The following ANO2 variants were observed in gnomAD, a reference collection of about 807,000 sequenced individuals.
ANO2 encodes anoctamin 2, also known as anoctamin-2.
A neutral mutation model predicts 124.2 loss-of-function variants in ANO2; 101 were observed. The ratio of observed to expected loss-of-function variants is 0.81; its 90% CI spans 0.69 to 0.96. The LOEUF (loss-of-function observed/expected upper bound fraction) is 0.96, where lower values mean the gene tolerates loss of function less well. Ranked by LOEUF, ANO2 falls within the 40% of genes least tolerant of loss-of-function variation. The pLI, the probability that ANO2 is intolerant of heterozygous loss-of-function variation, is 0.00. For synonymous variants in ANO2, 486 were observed against 482.5 expected (o/e 1.01, Z -0.09); for missense variants, 1,293 against 1,274.5 (o/e 1.01, Z -0.22).
upstream of ANO2, among the ~76,000 whole-genome samples, chr12:5,945,439 C>T (rs1208490232): frequency 6.6e-6 from 1 of 152,098 alleles, no homozygotes; most frequent in East Asian, 1.9e-4. Flanking sequence ...AGCGGGGCGT[C>T]GAGAATGGAG....
intron 2 of ANO2, 105 bp downstream of exon 2, chr12:5,922,515 C>A (rs570248155): frequency 3.9e-6 from 5 of 1,273,872 alleles, no homozygotes; most frequent in Non-Finnish European, 5.2e-6. Flanking sequence ...CTCTCTTTCA[C>A]GCACACATGT....
intron 3 of ANO2, among the ~76,000 whole-genome samples, chr12:5,914,902 T>C (rs1941290058): frequency 6.6e-6 from 1 of 152,182 alleles, no homozygotes; most frequent in African/African-American, 2.4e-5. Flanking sequence ...AGTCTCTGCC[T>C]CTGCCCTGCT....
intron 3 of ANO2, among the ~76,000 whole-genome samples, chr12:5,917,181 G>A (rs1941430032): frequency 6.6e-6 from 1 of 152,114 alleles, no homozygotes; most frequent in African/African-American, 2.4e-5. Flanking sequence ...CAAATTCCCA[G>A]CCAAAGCGGG....
chr12:5,880,610 T>G (rs1320220937), intron 3 of ANO2, among the ~76,000 whole-genome samples: 1 of 151,568 alleles, frequency 6.6e-6, no homozygotes, highest in African/African-American at 2.4e-5. Context: ...GAGGAAGGAG[T>G]CAACTGTTTC....
In ANO2 at chr12:5,578,006, T is replaced by A; in HGVS notation, c.2388A>T (p.Gly796=). ...RPDAVRTKDI[G]IWFDILSGIG... ...TTCCAGAGAGAATGTCAAACCAGAT[T>A]CCTACAAGACAGAAAAGACAGCGTC... Residue 796 remains glycine (G), a splice_region_variant and synonymous_variant, in exon 22 of 25, where the codon GGA becomes GGT. Coordinates refer to ENST00000682330, the MANE Select transcript of ANO2 (RefSeq NM_001364791.2). 1 of 1,613,672 alleles carries A rather than the reference T, an allele frequency of 6.2e-7. No homozygotes were observed. Among genetic ancestry groups the A allele is most frequent in the Non-Finnish European group, 8.5e-7 (1 of 1,179,736 alleles).
rs1941772143 is a variant in ANO2, at chr12:5,922,739, C to T, written c.88G>A (p.Gly30Ser). ...SPQAGSRGGQ[G>S]PKHGQQCLKM... is the part of the protein sequence containing the mutation. ...AGACACTGCTGTCCATGTTTGGGGC[C>T]CTGGCCCCCTCTGGACCCTGCCTGA... Residue 30 changes from glycine to serine, a missense_variant, in exon 2 of 25, where the codon GGC (glycine) becomes AGC (serine). By Grantham distance (56) the Gly-to-Ser change is moderately conservative. Coordinates refer to ENST00000682330, the MANE Select transcript of ANO2 (RefSeq NM_001364791.2). 6.3e-7 allele frequency: 1 copy of T among 1,599,946 alleles called. No individual in the cohort carries two copies. The highest frequency in any genetic ancestry group is 8.5e-7 in the Non-Finnish European group (1 of 1,174,164).
chr12:5,830,025 G>C (rs1162569008), intron 6 of ANO2, among the ~76,000 whole-genome samples: 1 of 152,112 alleles, frequency 6.6e-6, no homozygotes, highest in Non-Finnish European at 1.5e-5. Context: ...CCAACAATCA[G>C]AAGGACTAGT....
At chr12:5,881,001 C>T (rs1399416968) in intron 3 of ANO2, among the ~76,000 whole-genome samples, 1 of 152,016 alleles carries the variant, frequency 6.6e-6, no homozygotes, top group African/African-American at 2.4e-5. Context: ...ATCTACTATC[C>T]TCATGATGGA....
At chr12:5,935,805 T>C (rs1229681889) in intron 1 of ANO2, among the ~76,000 whole-genome samples, 1 of 152,238 alleles carries the variant, frequency 6.6e-6, no homozygotes, top group Non-Finnish European at 1.5e-5. Context: ...TGTCTGGGTT[T>C]CACCTCCACA....
intron 13 of ANO2, among the ~76,000 whole-genome samples, chr12:5,734,811 C>T (rs1012433020): frequency 2.0e-5 from 3 of 152,078 alleles, no homozygotes; most frequent in African/African-American, 7.2e-5. Context: ...CCAGGCCCAG[C>T]TGATTTTTTT....
chr12:5,587,447 A>C (rs940861549), intron 20 of ANO2, among the ~76,000 whole-genome samples: 5 of 152,208 alleles, frequency 3.3e-5, no homozygotes, highest in Non-Finnish European at 7.3e-5. Flanking sequence ...CAGAGAACTT[A>C]AGCTTGCAGC....
chr12:5,940,452 G>A (rs922735934), intron 1 of ANO2, among the ~76,000 whole-genome samples: 2 of 152,194 alleles, frequency 1.3e-5, no homozygotes, highest in African/African-American at 4.8e-5. Context: ...CCATCATTGA[G>A]GCACACACTT....
rs531905085 is a variant in ANO2 at position 5,735,692 on chromosome 12, C to G, written c.1435-3062G>C. Among the ~76,000 whole-genome samples the G allele has an allele frequency of 5.9e-4, 90 of 152,206 alleles. 1 individual carries two copies. Among genetic ancestry groups the G allele is most frequent in the African/African-American group, 2.1e-3 (86 of 41,522 alleles). ...GAGACACAAAAGCCGAGAAGACAGGCCTTGCAGAGTCTGGGGGAAAAGCAG... is the reference window on the plus strand; with the variant it reads ...GAGACACAAAAGCCGAGAAGACAGGGCTTGCAGAGTCTGGGGGAAAAGCAG... On this transcript the variant is annotated intron_variant, in intron 13 of 24. Transcript: ENST00000682330.
chr12:5,727,304 G>A (rs1950476696), intron 14 of ANO2, among the ~76,000 whole-genome samples: 1 of 151,970 alleles, frequency 6.6e-6, no homozygotes, highest in Admixed American at 6.6e-5. Flanking sequence ...TGACGTGCCT[G>A]CTCCCCCTTC....
intron 14 of ANO2, among the ~76,000 whole-genome samples, chr12:5,716,541 T>C (rs1363380551): frequency 6.6e-6 from 1 of 151,984 alleles, no homozygotes. Flanking sequence ...TGGATGGGAG[T>C]CTTTCCATGC....
chr12:5,852,255 G>A (rs1954934170), intron 4 of ANO2, among the ~76,000 whole-genome samples: 1 of 152,156 alleles, frequency 6.6e-6, no homozygotes, highest in Admixed American at 6.5e-5. Flanking sequence ...TTTGAGGGCT[G>A]CGGTATTAGG....
At chr12:5,667,737 C>A (rs1193683438) in intron 14 of ANO2, among the ~76,000 whole-genome samples, 1 of 152,144 alleles carries the variant, frequency 6.6e-6, no homozygotes, top group Non-Finnish European at 1.5e-5. Context: ...GTGTGTGTTG[C>A]TCCCCTCCCT....
At chr12:5,817,748 C>A (rs1434557921) in intron 7 of ANO2, among the ~76,000 whole-genome samples, 1 of 152,130 alleles carries the variant, frequency 6.6e-6, no homozygotes, top group Admixed American at 6.6e-5. Context: ...TGGTGAACAT[C>A]TAAGTGGTGG....
intron 24 of ANO2, chr12:5,564,343 T>C (rs771397911): frequency 1.3e-5 from 2 of 152,418 alleles, no homozygotes; most frequent in Non-Finnish European, 2.9e-5. Context: ...TCTCAATGAA[T>C]GAATATAGGA....
Sources: allele counts gnomAD v4.1 joint callset (sites outside exome capture counted in the v4.1 genomes callset), GRCh38; gene constraint gnomAD v4.1.1; transcripts MANE v1.5; gene names NCBI Gene and HGNC (gene_info 2026-07-23, HGNC 2026-07-21).